FOXN3: variants seen among roughly 807,000 people sequenced by gnomAD.
FOXN3 encodes the protein forkhead box N3.
In FOXN3, 7 loss-of-function variants were observed where a neutral mutation model predicts 38.4. The observed-to-expected ratio is 0.18, with a 90% CI of 0.10 to 0.34. FOXN3 has a LOEUF of 0.34. Among genes scored for constraint, FOXN3 ranks in the 10% least tolerant of loss-of-function variants. FOXN3 has a pLI of 1.00. For synonymous variants in FOXN3, 230 were observed against 242.2 expected, an observed-to-expected ratio of 0.95 and a Z score of 0.47; for missense variants, 456 against 613.4, an observed-to-expected ratio of 0.74 and a Z score of 2.71.
intron 1 of FOXN3, among the ~76,000 whole-genome samples, chr14:89,468,078 T>A (rs548942025): frequency 1.2e-4 from 19 of 152,094 alleles, no homozygotes; most frequent in East Asian, 3.9e-4. Flanking sequence ...TTTGATTATT[T>A]TTTTTTTTAT....
intron 4 of FOXN3, among the ~76,000 whole-genome samples, chr14:89,189,884 G>A (rs745361339): frequency 7.2e-5 from 11 of 152,184 alleles, no homozygotes; most frequent in Non-Finnish European, 1.3e-4. Context: ...CTGGTAGCGT[G>A]GTTTCATTTC....
chr14:89,388,221 A>G (rs1890845393), intron 2 of FOXN3, among the ~76,000 whole-genome samples: 1 of 152,164 alleles, frequency 6.6e-6, no homozygotes, highest in Non-Finnish European at 1.5e-5. Flanking sequence ...CACACACTCC[A>G]TGGGGCCTGG....
At chr14:89,268,103 C>T (rs539521084) in intron 4 of FOXN3, among the ~76,000 whole-genome samples, 4 of 152,270 alleles carry the variant, frequency 2.6e-5, no homozygotes, top group Admixed American at 2.0e-4. Flanking sequence ...TTAATTTACA[C>T]ATATACATAT....
intron 2 of FOXN3, among the ~76,000 whole-genome samples, chr14:89,359,528 C>T (rs1374623362): frequency 6.6e-6 from 1 of 152,182 alleles, no homozygotes; most frequent in Non-Finnish European, 1.5e-5. Context: ...CGTTTTGTCT[C>T]AGATGCACTA....
At chr14:89,280,272 T>G (rs1335280411) in intron 4 of FOXN3, among the ~76,000 whole-genome samples, 1 of 152,226 alleles carries the variant, frequency 6.6e-6, no homozygotes. Flanking sequence ...CATTTATTCC[T>G]CCTTAACTTT....
intron 1 of FOXN3, among the ~76,000 whole-genome samples, chr14:89,590,470 T>C (rs945036363): frequency 6.6e-6 from 1 of 152,056 alleles, no homozygotes; most frequent in Non-Finnish European, 1.5e-5. Context: ...TCAAATGCAT[T>C]CACCCCACTG....
chr14:89,194,709 G>T (rs1406682223), intron 4 of FOXN3, among the ~76,000 whole-genome samples: 1 of 122,508 alleles, frequency 8.2e-6, no homozygotes, highest in Non-Finnish European at 1.6e-5. Flanking sequence ...AGTAATATGT[G>T]CTCACTGTAA....
intron 3 of FOXN3, among the ~76,000 whole-genome samples, chr14:89,334,189 T>C (rs1888367331): frequency 6.6e-6 from 1 of 151,956 alleles, no homozygotes; most frequent in Admixed American, 6.6e-5. Context: ...ATATATGGAA[T>C]TTTAAAAAGG....
intron 4 of FOXN3, among the ~76,000 whole-genome samples, chr14:89,226,248 A>G (rs1329946974): frequency 7.9e-5 from 12 of 151,164 alleles, no homozygotes; most frequent in African/African-American, 1.9e-4. Context: ...AGGTAGAGAG[A>G]GAGAATCTTA....
chr14:89,589,383 T>A (rs1596326248), intron 1 of FOXN3, among the ~76,000 whole-genome samples: 1 of 152,228 alleles, frequency 6.6e-6, no homozygotes, highest in Middle Eastern at 3.4e-3. Context: ...ATCAAATCAT[T>A]GATAAAAGTC....
At chr14:89,260,803 C>T (rs1280157593) in intron 4 of FOXN3, among the ~76,000 whole-genome samples, 1 of 152,190 alleles carries the variant, frequency 6.6e-6, no homozygotes, top group Non-Finnish European at 1.5e-5. Context: ...CTTAACTAAC[C>T]TTTAACATTA....
intron 4 of FOXN3, among the ~76,000 whole-genome samples, chr14:89,258,117 T>C (rs1206985746): frequency 6.6e-6 from 1 of 152,096 alleles, no homozygotes; most frequent in African/African-American, 2.4e-5. Context: ...CACAAAATCA[T>C]GGTGGGCCAG....
At chr14:89,557,275 A>G (rs1895146358) in intron 1 of FOXN3, among the ~76,000 whole-genome samples, 1 of 152,170 alleles carries the variant, frequency 6.6e-6, no homozygotes, top group South Asian at 2.1e-4. Context: ...TTTCCATAGA[A>G]AGATAAGAAA....
At chr14:89,389,567 A>G (rs181533253) in intron 2 of FOXN3, among the ~76,000 whole-genome samples, 82 of 152,336 alleles carry the variant, frequency 5.4e-4, no homozygotes, top group Non-Finnish European at 6.0e-4. Context: ...CATTTTAATA[A>G]AACAAGGGCA....
chr14:89,599,687 A>T (rs564325973), intron 1 of FOXN3, among the ~76,000 whole-genome samples: 35 of 152,314 alleles, frequency 2.3e-4, no homozygotes, highest in African/African-American at 8.4e-4. Context: ...ATCTTCCTCC[A>T]AAGAGAATTT....
intron 1 of FOXN3, among the ~76,000 whole-genome samples, chr14:89,536,812 A>G (rs1894698330): frequency 6.6e-6 from 1 of 152,198 alleles, no homozygotes; most frequent in Non-Finnish European, 1.5e-5. Flanking sequence ...AGATTTTTAA[A>G]AAAAGATTAA....
intron 4 of FOXN3, among the ~76,000 whole-genome samples, chr14:89,200,345 C>T (rs1023015714): frequency 1.3e-5 from 2 of 152,200 alleles, no homozygotes; most frequent in African/African-American, 2.4e-5. Context: ...ATCTATTACC[C>T]CTCATTTCAC....
intron 1 of FOXN3, among the ~76,000 whole-genome samples, chr14:89,580,736 G>C (rs915678328): frequency 1.3e-5 from 2 of 152,184 alleles, no homozygotes; most frequent in African/African-American, 2.4e-5. Flanking sequence ...TTGAGGGCAA[G>C]GGACATGACA....
At chr14:89,391,548 G>A (rs539430347) in intron 2 of FOXN3, among the ~76,000 whole-genome samples, 1 of 152,058 alleles carries the variant, frequency 6.6e-6, no homozygotes, top group South Asian at 2.1e-4. Flanking sequence ...CCAGTTCAAG[G>A]TTTAACTAGG....
Sources: gnomAD v4.1 joint callset for allele counts (sites outside exome capture counted in the v4.1 genomes callset) on GRCh38, gnomAD v4.1.1 for gene constraint, MANE v1.5 for transcripts, NCBI Gene and HGNC (gene_info 2026-07-23, HGNC 2026-07-21) for gene names.